The following SGCZ variants were observed in gnomAD, a reference collection of about 807,000 sequenced individuals.
The protein encoded by SGCZ is sarcoglycan zeta, also known as zeta-sarcoglycan.
In SGCZ, 40 loss-of-function variants were observed where a neutral mutation model predicts 41.3. That is an observed-to-expected ratio of 0.97 (90% CI 0.75 to 1.26). SGCZ has a LOEUF of 1.26. Among genes scored for constraint, SGCZ ranks in the 50% most tolerant of loss-of-function variants. SGCZ has a pLI of 0.00. For missense variants in SGCZ, 552 were observed against 369.8 expected, an observed-to-expected ratio of 1.49 and a Z score of -4.04; for synonymous variants, 206 against 137.5, an observed-to-expected ratio of 1.50 and a Z score of -3.49.
chr8:14,310,351 TC>T (rs1352692745), intron 3 of SGCZ, among the ~76,000 whole-genome samples: 1 of 152,168 alleles, frequency 6.6e-6, no homozygotes, highest in African/African-American at 2.4e-5. Flanking sequence ...TTTTTTTGTT[TC>T]TTATAACTAC....
chr8:14,926,643 G>GTT lies in SGCZ; in HGVS notation c.39+310941_39+310942insAA, dbSNP rs1554523020. On this transcript the variant is annotated intron_variant, in intron 1 of 7. Coordinates refer to ENST00000382080, the MANE Select transcript of SGCZ (RefSeq NM_139167.4). ...GTTTGTTTTGTTTTTCCGTGTGTGT[G>GTT]GTTTTTTTTTGTTTTTTTGAGACAG... 2.7e-3 allele frequency among the ~76,000 whole-genome samples: 407 copies of GTT among 150,476 alleles called. 1 individual carries two copies. The highest frequency in any genetic ancestry group is 5.9e-3 in the African/African-American group (244 of 41,252).
At chr8:14,652,239 G>T (rs1807423421) in intron 1 of SGCZ, among the ~76,000 whole-genome samples, 1 of 150,538 alleles carries the variant, frequency 6.6e-6, no homozygotes, top group South Asian at 2.1e-4. Flanking sequence ...TACTCAGGAG[G>T]CTGAGGCAGG....
chr8:14,437,700 T>C (rs545760166), intron 2 of SGCZ, among the ~76,000 whole-genome samples: 31 of 151,832 alleles, frequency 2.0e-4, no homozygotes, highest in African/African-American at 6.8e-4. Flanking sequence ...ATGTTTAGAA[T>C]TGATAAATAA....
intron 2 of SGCZ, among the ~76,000 whole-genome samples, chr8:14,349,266 C>T (rs930960204): frequency 2.6e-5 from 4 of 152,092 alleles, no homozygotes; most frequent in Non-Finnish European, 4.4e-5. Flanking sequence ...TCCTTCAATT[C>T]CCTTTTTCTC....
At chr8:14,412,799 T>A (rs1189538072) in intron 2 of SGCZ, among the ~76,000 whole-genome samples, 1 of 152,044 alleles carries the variant, frequency 6.6e-6, no homozygotes, top group African/African-American at 2.4e-5. Flanking sequence ...ACTATAAGGA[T>A]GGCATAACTT....
intron 1 of SGCZ, among the ~76,000 whole-genome samples, chr8:14,614,031 G>A (rs1806016583): frequency 6.6e-6 from 1 of 152,098 alleles, no homozygotes; most frequent in Non-Finnish European, 1.5e-5. Context: ...ACTGCCTTCA[G>A]TGAGTACAGG....
chr8:15,030,232 T>A (rs1364997097), intron 1 of SGCZ, among the ~76,000 whole-genome samples: 2 of 152,166 alleles, frequency 1.3e-5, no homozygotes, highest in East Asian at 3.9e-4. Flanking sequence ...TTGTGAAGGA[T>A]GAATAAGAGT....
chr8:15,033,015 C>T (rs910296985), intron 1 of SGCZ, among the ~76,000 whole-genome samples: 4 of 152,240 alleles, frequency 2.6e-5, no homozygotes, highest in Admixed American at 6.5e-5. Context: ...AACAGGCCAG[C>T]GCCTGTGGAC....
At chr8:15,066,940 A>T (rs1805172943) in intron 1 of SGCZ, among the ~76,000 whole-genome samples, 1 of 152,224 alleles carries the variant, frequency 6.6e-6, no homozygotes, top group East Asian at 1.9e-4. Context: ...CTTTATACAT[A>T]TCATCTGTAT....
At chr8:14,648,052 G>A (rs1276977615) in intron 1 of SGCZ, among the ~76,000 whole-genome samples, 1 of 151,922 alleles carries the variant, frequency 6.6e-6, no homozygotes, top group Admixed American at 6.6e-5. Context: ...TTTGAAAATG[G>A]CTTGGCAGAA....
chr8:14,476,820 C>T (rs1216891567), intron 2 of SGCZ, among the ~76,000 whole-genome samples: 1 of 152,134 alleles, frequency 6.6e-6, no homozygotes, highest in Non-Finnish European at 1.5e-5. Flanking sequence ...ACATACTTTT[C>T]GCCTTGTGCT....
chr8:14,436,549 G>C (rs951775334), intron 2 of SGCZ, among the ~76,000 whole-genome samples: 2 of 152,102 alleles, frequency 1.3e-5, no homozygotes, highest in Non-Finnish European at 2.9e-5. Flanking sequence ...TACTTGAGTT[G>C]TCATTTGCAC....
At chr8:14,908,439 G>C (rs1799182744) in intron 1 of SGCZ, among the ~76,000 whole-genome samples, 1 of 152,140 alleles carries the variant, frequency 6.6e-6, no homozygotes, top group Admixed American at 6.6e-5. Context: ...AAATGGGCAA[G>C]TTACAGATTT....
At chr8:14,777,714 G>A (rs1235555846) in intron 1 of SGCZ, among the ~76,000 whole-genome samples, 1 of 152,074 alleles carries the variant, frequency 6.6e-6, no homozygotes, top group East Asian at 1.9e-4. Context: ...GAAAAAAAGT[G>A]TTAATGCATG....
intron 2 of SGCZ, among the ~76,000 whole-genome samples, chr8:14,493,839 C>A (rs1230470853): frequency 6.6e-6 from 1 of 152,038 alleles, no homozygotes. Context: ...AGTTATAATA[C>A]TGTTTTTATA....
At chr8:14,450,429 G>C (rs1302565533) in intron 2 of SGCZ, among the ~76,000 whole-genome samples, 1 of 152,188 alleles carries the variant, frequency 6.6e-6, no homozygotes, top group Non-Finnish European at 1.5e-5. Context: ...GGTCAGGAGG[G>C]TAATGAGCAG....
At chr8:15,166,994 A>C (rs147314694) in intron 1 of SGCZ, among the ~76,000 whole-genome samples, 81 of 150,054 alleles carry the variant, frequency 5.4e-4, no homozygotes, top group African/African-American at 1.9e-3. Context: ...ACTTTTGTTT[A>C]GAAAATTGCT....
At chr8:14,628,788 A>T (rs1297521340) in intron 1 of SGCZ, among the ~76,000 whole-genome samples, 1 of 152,120 alleles carries the variant, frequency 6.6e-6, no homozygotes, top group Non-Finnish European at 1.5e-5. Flanking sequence ...TTTCCTGTAA[A>T]TATGCAAACT....
At chr8:14,919,159 C>A (rs1158069463) in intron 1 of SGCZ, among the ~76,000 whole-genome samples, 1 of 152,114 alleles carries the variant, frequency 6.6e-6, no homozygotes, top group African/African-American at 2.4e-5. Flanking sequence ...ACAATTAAGG[C>A]CAGGCGAGGT....
Sources: gnomAD v4.1 joint callset for allele counts (sites outside exome capture counted in the v4.1 genomes callset) on GRCh38, gnomAD v4.1.1 for gene constraint, MANE v1.5 for transcripts, NCBI Gene and HGNC (gene_info 2026-07-23, HGNC 2026-07-21) for gene names.